SPAG17: variants seen among roughly 807,000 people sequenced by gnomAD.
SPAG17 encodes the protein sperm-associated antigen 17.
Under a neutral mutation model 273.6 loss-of-function variants are expected in SPAG17, and 169 were observed. That is an observed-to-expected ratio of 0.62 (90% CI 0.55 to 0.70). The LOEUF (loss-of-function observed/expected upper bound fraction) is 0.70, where lower values mean the gene tolerates loss of function less well. Among genes scored for constraint, SPAG17 ranks in the 30% least tolerant of loss-of-function variants. The probability of loss-of-function intolerance (pLI) is 0.00; values close to 1 mark genes in which losing one functional copy is unlikely to be tolerated. For missense variants in SPAG17, 2,557 were observed against 2,627.8 expected (o/e 0.97, Z 0.59); for synonymous variants, 825 against 873.2 (o/e 0.94, Z 0.97).
At chr1:117,984,552 C>T in intron 41 of SPAG17, 131 bp downstream of exon 41, 2 of 614,216 alleles carry the variant, frequency 3.3e-6, no homozygotes, top group Admixed American at 3.1e-5. Flanking sequence ...TTGAAGGGTA[C>T]AGGTTAGTCA....
intron 10 of SPAG17, among the ~76,000 whole-genome samples, chr1:118,089,152 T>C (rs1655203885): frequency 1.3e-5 from 2 of 152,124 alleles, no homozygotes; most frequent in Non-Finnish European, 2.9e-5. Context: ...GTGCTGTGTG[T>C]TGTGTGGGGA....
intron 31 of SPAG17, among the ~76,000 whole-genome samples, chr1:118,006,474 G>A (rs1465504545): frequency 6.6e-6 from 1 of 152,186 alleles, no homozygotes; most frequent in Non-Finnish European, 1.5e-5. Flanking sequence ...GGCTATATCA[G>A]ATTTTCTTTA....
At chr1:117,996,044 A>G (rs1432290985) in intron 34 of SPAG17, among the ~76,000 whole-genome samples, 1 of 152,086 alleles carries the variant, frequency 6.6e-6, no homozygotes, top group African/African-American at 2.4e-5. Context: ...GTTTTTTCTT[A>G]CCAAGATGAA....
chr1:118,126,094 A>G (rs1312543160), intron 3 of SPAG17, among the ~76,000 whole-genome samples: 1 of 135,126 alleles, frequency 7.4e-6, no homozygotes, highest in Non-Finnish European at 1.6e-5. Flanking sequence ...ATCATATCTC[A>G]TTATGGTTTT....
Position 118,008,169 on chromosome 1 carries a change from C to G in SPAG17, c.4462G>C (p.Val1488Leu). ...GAGCTTTCTACCCGCATACACTTCA[C>G]CTGCCTGGTGACAGTCCGAGGACCC... ...TEGPRTVTRQVKCMRVESSRY... is the reference protein window; with the variant it reads ...TEGPRTVTRQLKCMRVESSRY... The change falls in exon 31 of 49, where the codon GTG becomes CTG. Residue 1488 changes from valine to leucine, a missense_variant. Transcript: ENST00000336338. The G allele has an allele frequency of 6.2e-7, 1 of 1,613,968 alleles. No individual in the cohort carries two copies. Among genetic ancestry groups the G allele is most frequent in the Non-Finnish European group, 8.5e-7 (1 of 1,179,946 alleles).
chr1:118,154,302 T>A (rs1463555962), intron 1 of SPAG17, among the ~76,000 whole-genome samples: 1 of 152,180 alleles, frequency 6.6e-6, no homozygotes, highest in African/African-American at 2.4e-5. Context: ...AGAGTTATGG[T>A]TTAGTGTCTA....
chr1:118,090,126 A>G (rs574140227), intron 10 of SPAG17, among the ~76,000 whole-genome samples: 2 of 152,338 alleles, frequency 1.3e-5, no homozygotes, highest in East Asian at 3.9e-4. Flanking sequence ...GGATAAAAAC[A>G]GTTCCTACTT....
chr1:118,090,039 A>G (rs1363448924), intron 10 of SPAG17, among the ~76,000 whole-genome samples: 1 of 152,220 alleles, frequency 6.6e-6, no homozygotes, highest in Non-Finnish European at 1.5e-5. Flanking sequence ...TGAGTCAATT[A>G]AACCTCCTTT....
chr1:118,007,929 G>GA (rs71663884), intron 31 of SPAG17, 115 bp downstream of exon 31: 74,281 of 1,055,918 alleles, frequency 0.07, 4,283 homozygotes, highest in East Asian at 0.29. Context: ...TATTATAAGA[G>GA]AATGAAAGCA....
chr1:117,973,683 A>T, intron 43 of SPAG17, 122 bp from the exon 44 acceptor site: 1 of 868,136 alleles, frequency 1.2e-6, no homozygotes, highest in Non-Finnish European at 1.6e-6. Context: ...CTTTTCAAAG[A>T]GCTTATTTAT....
In SPAG17 at chr1:117,970,072, G is replaced by A. The variant is rs370607878; in HGVS notation, c.6371C>T (p.Thr2124Ile). The A allele has an allele frequency of 8.1e-6, 13 of 1,613,668 alleles. No homozygotes were observed. The highest frequency in any genetic ancestry group is 1.1e-5 in the Non-Finnish European group (13 of 1,179,812). Residue 2124 changes from threonine to isoleucine, a missense_variant, in exon 46 of 49, where the codon ACT becomes ATT. Physicochemically the swap from Thr to Ile is moderately conservative, Grantham distance 89. Transcript: ENST00000336338. ...AGGACTTACAGGTCCAGGTTTGTAAGTCACTTTCAGTCCTGTGCTGGGTGG... is the reference window on the plus strand; with the variant it reads ...AGGACTTACAGGTCCAGGTTTGTAAATCACTTTCAGTCCTGTGCTGGGTGG... ...QPPPSTGLKV[T>I]YKPGPVAAGM...
chr1:118,025,819 G>A (rs1199127973), intron 26 of SPAG17, among the ~76,000 whole-genome samples: 1 of 152,146 alleles, frequency 6.6e-6, no homozygotes, highest in African/African-American at 2.4e-5. Flanking sequence ...GTCTGCATGT[G>A]AATAATAGGG....
chr1:117,969,562 G>C (rs2101485422), intron 46 of SPAG17, among the ~76,000 whole-genome samples: 1 of 152,286 alleles, frequency 6.6e-6, no homozygotes, highest in East Asian at 1.9e-4. Flanking sequence ...CTGGGTGACA[G>C]AGTGAGGCTC....
intron 15 of SPAG17, among the ~76,000 whole-genome samples, chr1:118,077,388 T>C (rs577084925): frequency 1.6e-4 from 25 of 152,164 alleles, no homozygotes; most frequent in African/African-American, 6.0e-4. Context: ...TAGGATACAC[T>C]GTCCACTATA....
intron 32 of SPAG17, among the ~76,000 whole-genome samples, chr1:117,997,906 A>G (rs1657834155): frequency 6.6e-6 from 1 of 152,190 alleles, no homozygotes; most frequent in Non-Finnish European, 1.5e-5. Flanking sequence ...ACAAGTGGCC[A>G]TAGTTTGCCA....
At chr1:118,172,004 T>C (rs1422359386) in intron 1 of SPAG17, among the ~76,000 whole-genome samples, 1 of 152,172 alleles carries the variant, frequency 6.6e-6, no homozygotes, top group African/African-American at 2.4e-5. Flanking sequence ...TGAATGAGTA[T>C]TGTAAAGGAC....
intron 35 of SPAG17, among the ~76,000 whole-genome samples, chr1:117,994,070 A>T (rs1206759888): frequency 6.6e-6 from 1 of 152,182 alleles, no homozygotes; most frequent in Admixed American, 6.6e-5. Flanking sequence ...ATAGAAGGAA[A>T]GATTTCTGTA....
At chr1:118,170,832 A>C (rs1048661803) in intron 1 of SPAG17, among the ~76,000 whole-genome samples, 3 of 152,160 alleles carry the variant, frequency 2.0e-5, no homozygotes, top group African/African-American at 7.2e-5. Flanking sequence ...TCTTGCCTGT[A>C]ACAACTCAAT....
In SPAG17 at chr1:118,008,133, T is replaced by C. The variant is rs1379404512; in HGVS notation, c.4498A>G (p.Thr1500Ala). Residue 1500 changes from threonine to alanine, a missense_variant, in exon 31 of 49, where the codon ACT becomes GCT. Physicochemically the swap from Thr to Ala is moderately conservative, Grantham distance 58. Transcript: ENST00000336338. ...CMRVESSRYATVIANCEDSSC... is the reference protein window; with the variant it reads ...CMRVESSRYAAVIANCEDSSC... The stretch of plus-strand genomic sequence containing the variant: ...CTGTCCTCACAGTTGGCGATAACAG[T>C]GGCATAGCGTGAGCTTTCTACCCGC... 6.2e-7 allele frequency: 1 copy of C among 1,614,040 alleles called. No homozygotes were observed. The highest frequency in any genetic ancestry group is 2.2e-5 in the East Asian group (1 of 44,844).
Sources: allele counts gnomAD v4.1 joint callset (sites outside exome capture counted in the v4.1 genomes callset), GRCh38; gene constraint gnomAD v4.1.1; transcripts MANE v1.5; gene names NCBI Gene and HGNC (gene_info 2026-07-23, HGNC 2026-07-21).